Variants in TUSC3 observed in about 807,000 individuals in gnomAD.
TUSC3 encodes the protein dolichyl-diphosphooligosaccharide--protein glycosyltransferase subunit TUSC3.
A neutral mutation model predicts 44.8 loss-of-function variants in TUSC3; 45 were observed. That is an observed-to-expected ratio of 1.00 (90% CI 0.79 to 1.29). TUSC3 has a LOEUF of 1.29. Ranked by LOEUF, TUSC3 falls within the 50% of genes most tolerant of loss-of-function variation. The pLI is 0.00. For synonymous variants in TUSC3, 212 were observed against 152.9 expected, an observed-to-expected ratio of 1.39 and a Z score of -2.85; for missense variants, 519 against 437.9, an observed-to-expected ratio of 1.19 and a Z score of -1.65.
At chr8:15,544,141 C>T (rs1291725634) in intron 1 of TUSC3, among the ~76,000 whole-genome samples, 2 of 152,062 alleles carry the variant, frequency 1.3e-5, no homozygotes, top group African/African-American at 2.4e-5. Context: ...TTTGAATCCT[C>T]ACTGATGTTA....
At chr8:15,771,609 GA>G (rs1396925696), downstream of TUSC3, among the ~76,000 whole-genome samples, 6 of 151,974 alleles carry the variant, frequency 3.9e-5, no homozygotes, top group Non-Finnish European at 5.9e-5. Flanking sequence ...AAATAAACTG[GA>G]AAACTAACAA....
At chr8:15,741,574 C>G (rs1811199467) in intron 7 of TUSC3, among the ~76,000 whole-genome samples, 2 of 151,984 alleles carry the variant, frequency 1.3e-5, no homozygotes. Context: ...GATCTTCCAG[C>G]CACTCGAGAC....
At chr8:15,644,371 A>G (rs141523922) in intron 2 of TUSC3, among the ~76,000 whole-genome samples, 34 of 152,344 alleles carry the variant, frequency 2.2e-4, no homozygotes, top group South Asian at 6.2e-4. Context: ...ATTACTATGA[A>G]CTACTACAAC....
chr8:15,819,014 A>G, the TUSC3 span, among the ~76,000 whole-genome samples: 1 of 152,146 alleles, frequency 6.6e-6, no homozygotes, highest in Non-Finnish European at 1.5e-5. Flanking sequence ...ACTTGAGGCC[A>G]GGAGTTTGAG....
intron 1 of TUSC3, among the ~76,000 whole-genome samples, chr8:15,602,666 ATGTGTGTGTGTG>A (rs60206119): frequency 0.017 from 2,508 of 145,958 alleles, 69 homozygotes; most frequent in African/African-American, 0.058. Flanking sequence ...AAATATTTAT[ATGTGTGTGTGTG>A]TGTGTGTGTG....
chr8:15,617,804 C>T (rs771353317), intron 1 of TUSC3, among the ~76,000 whole-genome samples: 1 of 152,160 alleles, frequency 6.6e-6, no homozygotes, highest in Non-Finnish European at 1.5e-5. Flanking sequence ...CCTCCCAACC[C>T]TGGCTGATCA....
At chr8:15,630,976 G>A (rs970793198) in intron 2 of TUSC3, among the ~76,000 whole-genome samples, 1 of 152,074 alleles carries the variant, frequency 6.6e-6, no homozygotes, top group African/African-American at 2.4e-5. Context: ...CTTTTTTGGG[G>A]TTTGGTACTA....
chr8:15,582,618 C>G (rs1178516195), intron 1 of TUSC3, among the ~76,000 whole-genome samples: 1 of 152,154 alleles, frequency 6.6e-6, no homozygotes, highest in East Asian at 1.9e-4. Context: ...TTGGCACACC[C>G]AGCTAAAACA....
the TUSC3 span, among the ~76,000 whole-genome samples, chr8:15,778,394 A>T: frequency 6.6e-6 from 1 of 152,302 alleles, no homozygotes; most frequent in African/African-American, 2.4e-5. Flanking sequence ...TCTTAATATT[A>T]GTTGTTATTG....
intron 2 of TUSC3, among the ~76,000 whole-genome samples, chr8:15,634,156 G>C (rs1168618285): frequency 6.6e-6 from 1 of 152,206 alleles, no homozygotes; most frequent in Non-Finnish European, 1.5e-5. Flanking sequence ...TGCATGAGAA[G>C]TCCAGCCCTG....
chr8:15,684,457 C>G (rs888658826), intron 6 of TUSC3, among the ~76,000 whole-genome samples: 10 of 152,150 alleles, frequency 6.6e-5, no homozygotes, highest in African/African-American at 2.2e-4. Context: ...TTCTCCTGAC[C>G]TGGTGGGTCT....
intron 1 of TUSC3, among the ~76,000 whole-genome samples, chr8:15,584,261 T>C (rs1340540543): frequency 2.6e-5 from 4 of 152,208 alleles, no homozygotes; most frequent in African/African-American, 9.6e-5. Context: ...CAGCACAACA[T>C]TGACTTAAAG....
chr8:15,629,385 T>C (rs529190715), intron 2 of TUSC3, among the ~76,000 whole-genome samples: 1 of 151,986 alleles, frequency 6.6e-6, no homozygotes, highest in African/African-American at 2.4e-5. Flanking sequence ...GTGGGCAGAG[T>C]GGACCAAAGA....
the TUSC3 span, among the ~76,000 whole-genome samples, chr8:15,795,939 G>A: frequency 2.0e-5 from 3 of 152,152 alleles, no homozygotes; most frequent in African/African-American, 4.8e-5. Flanking sequence ...AACAGCCACA[G>A]CGGAACCTAA....
At chr8:15,626,481 G>A (rs1183860544) in intron 2 of TUSC3, among the ~76,000 whole-genome samples, 1 of 152,216 alleles carries the variant, frequency 6.6e-6, no homozygotes, top group African/African-American at 2.4e-5. Context: ...TCCAAGTCAT[G>A]GCTGTGGACC....
chr8:15,597,997 T>A (rs1804139266), intron 1 of TUSC3, among the ~76,000 whole-genome samples: 1 of 152,058 alleles, frequency 6.6e-6, no homozygotes, highest in Non-Finnish European at 1.5e-5. Flanking sequence ...GTCCTAGCGT[T>A]GATATTTTCA....
chr8:15,439,293 C>G (rs1025760851), intron 1 of TUSC3, among the ~76,000 whole-genome samples: 1 of 152,166 alleles, frequency 6.6e-6, no homozygotes, highest in Non-Finnish European at 1.5e-5. Flanking sequence ...ATGCCAGGCA[C>G]AGTGGCTCAT....
chr8:15,587,178 G>C (rs543028378), intron 1 of TUSC3, among the ~76,000 whole-genome samples: 48 of 152,152 alleles, frequency 3.2e-4, no homozygotes, highest in African/African-American at 1.1e-3. Context: ...TTATAACTTG[G>C]ATTTCTTCTA....
At chr8:15,646,707 T>C (rs887011001) in intron 2 of TUSC3, among the ~76,000 whole-genome samples, 4 of 152,094 alleles carry the variant, frequency 2.6e-5, no homozygotes, top group Non-Finnish European at 5.9e-5. Flanking sequence ...GCCCTTGCAC[T>C]CATCTGATTT....
Sources: allele counts gnomAD v4.1 joint callset (sites outside exome capture counted in the v4.1 genomes callset), GRCh38; gene constraint gnomAD v4.1.1; transcripts MANE v1.5; gene names NCBI Gene and HGNC (gene_info 2026-07-23, HGNC 2026-07-21).